Variants in RBPJ observed in about 807,000 individuals in gnomAD.
RBPJ encodes the protein recombining binding protein suppressor of hairless.
A neutral mutation model predicts 67.8 loss-of-function variants in RBPJ; 9 were observed. The observed-to-expected ratio is 0.13, with a 90% CI of 0.08 to 0.23. RBPJ has a LOEUF of 0.23. Ranked by LOEUF, RBPJ falls within the 10% of genes least tolerant of loss-of-function variation. The pLI is 1.00. For synonymous variants in RBPJ, 198 were observed against 203.3 expected (o/e 0.97, Z 0.22); for missense variants, 305 against 595.6 (o/e 0.51, Z 5.08).
chr4:26,212,159 G>C (rs982097702), intron 1 of RBPJ, among the ~76,000 whole-genome samples: 2 of 152,058 alleles, frequency 1.3e-5, no homozygotes, highest in Non-Finnish European at 2.9e-5. Flanking sequence ...ATTTCAGCTT[G>C]TGATCCTCCC....
In RBPJ at chr4:26,354,207, A is replaced by G. The variant is rs112922439; in HGVS notation, c.21-32146A>G. On this transcript the variant is annotated intron_variant, in intron 1 of 10. Coordinates refer to ENST00000355476, the MANE Select transcript of RBPJ (RefSeq NM_015874.6). ...CGGCCTCCCAAAGTGCTGGGATTAC[A>G]GGCCTGAGCCACCCCGCCCGGCCAT... Among the ~76,000 whole-genome samples the G allele has an allele frequency of 7.2e-5, 11 of 152,264 alleles. 1 individual carries two copies. The highest frequency in any genetic ancestry group is 2.6e-4 in the African/African-American group (11 of 41,556).
At position 26,346,451 on chromosome 4, in the gene RBPJ, TCTA is replaced by T. The variant is rs1726157832; in HGVS notation, c.20+25406_20+25408del. 4.6e-5 allele frequency among the ~76,000 whole-genome samples: 7 copies of T among 152,298 alleles called. No individual in the cohort carries two copies. In the South Asian group the frequency reaches 1.4e-3, roughly 32 times the overall value. ...TTTCCCCTTGGCAGGTGCCATCTTATCTACTCCTTACTGTACACATGGCTGACA... is the reference window on the plus strand; with the variant it reads ...TTTCCCCTTGGCAGGTGCCATCTTATCTCCTTACTGTACACATGGCTGACA... On this transcript the variant is annotated intron_variant, in intron 1 of 10. Transcript: ENST00000355476.
At position 26,244,412 on chromosome 4, in the gene RBPJ, T is replaced by TATATGTATGC. The variant is rs1560226552; in HGVS notation, c.-167+80799_-167+80800insTATGTATGCA. Among the ~76,000 whole-genome samples the TATATGTATGC allele has an allele frequency of 6.8e-3, 4 of 588 alleles. 1 individual carries two copies. Among genetic ancestry groups the TATATGTATGC allele is most frequent in the African/African-American group, 0.013 (1 of 80 alleles). The allele number at this position is 588 out of a possible 152,430, so 0.4% of individuals were successfully genotyped here. Reference sequence around the variant, plus strand: ...ATATATGTATGCACATATGTGTGTATACATATGTGTGTATATATGTATACA... The same window carrying TATATGTATGC: ...ATATATGTATGCACATATGTGTGTATATATGTATGCACATATGTGTGTATATATGTATACA... On this transcript the variant is annotated intron_variant, in intron 1 of 4. Coordinates refer to the RBPJ transcript ENST00000512351.
intron 1 of RBPJ, among the ~76,000 whole-genome samples, chr4:26,360,856 C>T (rs937928665): frequency 1.3e-5 from 2 of 151,330 alleles, no homozygotes; most frequent in African/African-American, 4.9e-5. Flanking sequence ...GTGATCCACC[C>T]ACCTTGGCCT....
rs186991474 is a variant in RBPJ at position 26,413,401 on chromosome 4, A to T, written c.156-2074A>T. ...TACTTATCACCAGCTAATGGAGTAC[A>T]TATGCATGTTATTTCACTCATTTAT... On this transcript the variant is annotated intron_variant, in intron 3 of 10. Coordinates refer to ENST00000355476, the MANE Select transcript of RBPJ (RefSeq NM_015874.6). 7.7e-3 allele frequency among the ~76,000 whole-genome samples: 1,179 copies of T among 152,274 alleles called. 21 individuals carry two copies. Among genetic ancestry groups the T allele is most frequent in the African/African-American group, 0.027 (1,133 of 41,546 alleles).
intron 1 of RBPJ, among the ~76,000 whole-genome samples, chr4:26,305,747 G>A: frequency 7.6e-6 from 1 of 131,832 alleles, no homozygotes; most frequent in Non-Finnish European, 1.6e-5. Context: ...TAATTTTTTA[G>A]TGGAGTTCTT....
At chr4:26,347,669 GCC>G (rs1726307009) in intron 1 of RBPJ, among the ~76,000 whole-genome samples, 7 of 152,290 alleles carry the variant, frequency 4.6e-5, no homozygotes, top group African/African-American at 1.4e-4. Context: ...TGGGAGTGGA[GCC>G]ATAGGTGTTA....
At chr4:26,402,310 C>T (rs1321331829) in intron 2 of RBPJ, among the ~76,000 whole-genome samples, 1 of 152,204 alleles carries the variant, frequency 6.6e-6, no homozygotes, top group Non-Finnish European at 1.5e-5. Context: ...TTTGGTCTCC[C>T]TATTCCCTCC....
At chr4:26,246,916 G>A (rs1337360955) in intron 1 of RBPJ, among the ~76,000 whole-genome samples, 2 of 151,074 alleles carry the variant, frequency 1.3e-5, no homozygotes, top group African/African-American at 4.9e-5. Context: ...CTCATTCATA[G>A]AAGAGTAGTT....
At chr4:26,204,139 G>T (rs1560209191) in intron 1 of RBPJ, among the ~76,000 whole-genome samples, 1 of 152,050 alleles carries the variant, frequency 6.6e-6, no homozygotes, top group East Asian at 1.9e-4. Context: ...GGGATGGGGG[G>T]GTCTCACCAT....
At chr4:26,125,622 A>T in the RBPJ span, among the ~76,000 whole-genome samples, 2 of 152,090 alleles carry the variant, frequency 1.3e-5, no homozygotes, top group South Asian at 4.2e-4. Context: ...AACATGGTGA[A>T]ACCCCATCTC....
chr4:26,287,498 A>T (rs2109282380), intron 1 of RBPJ, among the ~76,000 whole-genome samples: 1 of 149,738 alleles, frequency 6.7e-6, no homozygotes, highest in East Asian at 2.0e-4. Context: ...GGCTACAGTA[A>T]GTTGTAATCA....
upstream of RBPJ, chr4:26,320,549 G>A (rs1722906450): frequency 1.9e-6 from 1 of 521,642 alleles, no homozygotes; most frequent in Non-Finnish European, 3.3e-6. Flanking sequence ...TGAGCGGGAA[G>A]CCGCTTGGAA....
chr4:26,141,150 T>C, the RBPJ span, among the ~76,000 whole-genome samples: 25 of 152,366 alleles, frequency 1.6e-4, no homozygotes, highest in African/African-American at 6.0e-4. Context: ...CTTTCTGGGC[T>C]GTGCTGAGAA....
intron 1 of RBPJ, among the ~76,000 whole-genome samples, chr4:26,173,855 G>A (rs890723149): frequency 2.0e-5 from 3 of 152,218 alleles, no homozygotes; most frequent in African/African-American, 4.8e-5. Context: ...TTGGGCAGCC[G>A]GAGCCCTGTG....
At chr4:26,255,911 TC>T (rs1205852604) in intron 1 of RBPJ, among the ~76,000 whole-genome samples, 2 of 126,322 alleles carry the variant, frequency 1.6e-5, no homozygotes, top group African/African-American at 7.8e-5. Flanking sequence ...CCTTTGGGCC[TC>T]AAGTATTCCT....
chr4:26,371,081 A>G (rs1215101216), intron 1 of RBPJ, among the ~76,000 whole-genome samples: 5 of 147,422 alleles, frequency 3.4e-5, no homozygotes, highest in Non-Finnish European at 6.0e-5. Context: ...CTCCATCTCA[A>G]AAAAAAAAAA....
At chr4:26,194,774 G>C (rs972637144) in intron 1 of RBPJ, among the ~76,000 whole-genome samples, 1 of 152,202 alleles carries the variant, frequency 6.6e-6, no homozygotes, top group Non-Finnish European at 1.5e-5. Flanking sequence ...CAGAGCACAC[G>C]ATACAAATGC....
chr4:26,156,414 C>CTTTTTTTTTTTTTT, the RBPJ span, among the ~76,000 whole-genome samples: 2 of 93,560 alleles, frequency 2.1e-5, no homozygotes, highest in Non-Finnish European at 4.1e-5. Context: ...TCTTTTCTTT[C>CTTTTTTTTTTTTTT]TTTTTTTTTT....
Sources: allele counts gnomAD v4.1 joint callset (sites outside exome capture counted in the v4.1 genomes callset), GRCh38; gene constraint gnomAD v4.1.1; transcripts MANE v1.5; gene names NCBI Gene and HGNC (gene_info 2026-07-23, HGNC 2026-07-21).